CCDC126: variants seen among roughly 807,000 people sequenced by gnomAD.
CCDC126 encodes the protein coiled-coil domain-containing protein 126.
A neutral mutation model predicts 11.7 loss-of-function variants in CCDC126; 5 were observed. That is an observed-to-expected ratio of 0.43 (90% CI 0.22 to 0.90). CCDC126 has a LOEUF of 0.90. CCDC126 is among the 40% of genes least tolerant of loss of function. The pLI is 0.27. For synonymous variants in CCDC126, 60 were observed against 61.9 expected, an observed-to-expected ratio of 0.97 and a Z score of 0.14; for missense variants, 150 against 163.1, an observed-to-expected ratio of 0.92 and a Z score of 0.44.
intron 3 of CCDC126, among the ~76,000 whole-genome samples, chr7:23,637,996 C>T (rs1342366454): frequency 1.2e-4 from 16 of 133,450 alleles, no homozygotes; most frequent in Non-Finnish European, 5.0e-5. Flanking sequence ...GGCCAGCCGC[C>T]CTATCCAGGA....
intron 2 of CCDC126, among the ~76,000 whole-genome samples, chr7:23,603,596 C>T (rs1782575381): frequency 6.6e-6 from 1 of 152,164 alleles, no homozygotes; most frequent in Admixed American, 6.5e-5. Context: ...CTTAACATCT[C>T]TGGGCTTCAG....
chr7:23,606,129 G>C (rs926435101), intron 2 of CCDC126, among the ~76,000 whole-genome samples: 10 of 152,038 alleles, frequency 6.6e-5, no homozygotes, highest in African/African-American at 2.4e-4. Flanking sequence ...CGTGATCTCT[G>C]CTTACTGCAA....
chr7:23,633,645 C>T (rs532514758), intron 3 of CCDC126, among the ~76,000 whole-genome samples: 1 of 152,130 alleles, frequency 6.6e-6, no homozygotes, highest in Non-Finnish European at 1.5e-5. Flanking sequence ...GGGAGGATCA[C>T]TTAAGATCGG....
chr7:23,618,576 A>G (rs1782834144), intron 3 of CCDC126, among the ~76,000 whole-genome samples: 1 of 137,320 alleles, frequency 7.3e-6, no homozygotes. Context: ...TTTGAGACAG[A>G]GTCTTGCTCT....
At chr7:23,636,038 T>A (rs1312860730) in intron 3 of CCDC126, among the ~76,000 whole-genome samples, 1 of 151,828 alleles carries the variant, frequency 6.6e-6, no homozygotes, top group Non-Finnish European at 1.5e-5. Context: ...GGTTTTCGTT[T>A]TTTTTTTGGT....
intron 2 of CCDC126, chr7:23,604,134 T>C (rs966075083): frequency 6.6e-6 from 1 of 152,220 alleles, no homozygotes; most frequent in African/African-American, 2.4e-5. Context: ...TATTATGTCA[T>C]CTTTTAGGAC....
At chr7:23,605,254 T>G (rs1314737811) in intron 2 of CCDC126, among the ~76,000 whole-genome samples, 1 of 152,018 alleles carries the variant, frequency 6.6e-6, no homozygotes, top group Non-Finnish European at 1.5e-5. Context: ...TGGTATGAGA[T>G]TAGGACAAAG....
intron 3 of CCDC126, among the ~76,000 whole-genome samples, chr7:23,615,491 C>A (rs1782781888): frequency 6.6e-6 from 1 of 152,226 alleles, no homozygotes; most frequent in South Asian, 2.1e-4. Flanking sequence ...ACTTTTAATT[C>A]TCTTCAAGAA....
At chr7:23,641,660 A>C (rs1783357939) in intron 3 of CCDC126, among the ~76,000 whole-genome samples, 1 of 152,214 alleles carries the variant, frequency 6.6e-6, no homozygotes, top group Non-Finnish European at 1.5e-5. Flanking sequence ...CAAAAATAAC[A>C]GTATTCGTTG....
intron 2 of CCDC126, among the ~76,000 whole-genome samples, chr7:23,600,149 G>A (rs968408502): frequency 1.1e-4 from 16 of 152,102 alleles, no homozygotes; most frequent in Non-Finnish European, 1.5e-5. Flanking sequence ...AACATTTTCT[G>A]TTTTTATCCC....
Position 23,611,330 on chromosome 7 carries a change from C to T in CCDC126, c.15C>T (p.Ile5=). Residue 5 remains isoleucine (I), a synonymous_variant, in exon 3 of 4, where the codon ATC becomes ATT. Transcript: ENST00000307471. Reference sequence around the variant, plus strand: ...CTTCTTCAGAAATGTTTTTTACAATCTCAAGAAAAAATATGTCCCAGAAAT... The same window carrying T: ...CTTCTTCAGAAATGTTTTTTACAATTTCAAGAAAAAATATGTCCCAGAAAT... MFFT[I]SRKNMSQKLS... 1.2e-6 allele frequency: 2 copies of T among 1,608,210 alleles called. No homozygotes were observed. Among genetic ancestry groups the T allele is most frequent in the South Asian group, 1.1e-5 (1 of 90,590 alleles).
chr7:23,607,748 C>G (rs1373648641), intron 2 of CCDC126, among the ~76,000 whole-genome samples: 1 of 152,108 alleles, frequency 6.6e-6, no homozygotes, highest in Non-Finnish European at 1.5e-5. Context: ...CCTAGCCTAC[C>G]CTGGGGGTAA....
At chr7:23,619,074 C>T (rs1182448642) in intron 3 of CCDC126, among the ~76,000 whole-genome samples, 5 of 152,166 alleles carry the variant, frequency 3.3e-5, no homozygotes, top group Admixed American at 6.5e-5. Flanking sequence ...TTCATTTACT[C>T]TTCCAGTTTC....
chr7:23,619,301 C>T (rs1782848153), intron 3 of CCDC126: 1 of 263,424 alleles, frequency 3.8e-6, no homozygotes, highest in Non-Finnish European at 7.3e-6. Flanking sequence ...AACAAACCTG[C>T]ACATCTGAAG....
chr7:23,629,049 A>G (rs1783060986), intron 3 of CCDC126, among the ~76,000 whole-genome samples: 1 of 152,256 alleles, frequency 6.6e-6, no homozygotes, highest in Non-Finnish European at 1.5e-5. Context: ...CCAGAGTCTC[A>G]TAATATGAAA....
chr7:23,609,144 AT>A (rs1782666174), intron 2 of CCDC126, among the ~76,000 whole-genome samples: 1 of 151,900 alleles, frequency 6.6e-6, no homozygotes, highest in African/African-American at 2.4e-5. Context: ...GAGGTTCCAA[AT>A]TTTGCAGCCT....
intron 3 of CCDC126, among the ~76,000 whole-genome samples, chr7:23,624,018 G>T (rs1336206393): frequency 6.6e-6 from 1 of 152,044 alleles, no homozygotes; most frequent in Non-Finnish European, 1.5e-5. Context: ...AAATTTCTGG[G>T]ACCTTTCGGG....
intron 3 of CCDC126, among the ~76,000 whole-genome samples, chr7:23,636,209 C>G (rs1444797202): frequency 6.6e-6 from 1 of 152,194 alleles, no homozygotes; most frequent in African/African-American, 2.4e-5. Context: ...GATCTCGGCT[C>G]GCTACAACCA....
intron 3 of CCDC126, among the ~76,000 whole-genome samples, chr7:23,627,125 A>G (rs2128019495): frequency 6.6e-6 from 1 of 152,326 alleles, no homozygotes; most frequent in Admixed American, 6.5e-5. Context: ...CTCCAGCAAC[A>G]CCAGTCCTTA....
Sources: allele counts gnomAD v4.1 joint callset (sites outside exome capture counted in the v4.1 genomes callset), GRCh38; gene constraint gnomAD v4.1.1; transcripts MANE v1.5; gene names NCBI Gene and HGNC (gene_info 2026-07-23, HGNC 2026-07-21).